TMEM132D: variants seen among roughly 807,000 people sequenced by gnomAD.
TMEM132D encodes the protein transmembrane protein 132D, also known as mature OL transmembrane protein.
TMEM132D carries 21 observed loss-of-function variants against 62.3 expected under a neutral mutation model. The ratio of observed to expected loss-of-function variants is 0.34; its 90% CI spans 0.24 to 0.49. TMEM132D has a LOEUF of 0.49. TMEM132D is among the 20% of genes least tolerant of loss of function. TMEM132D has a pLI of 0.99. For synonymous variants in TMEM132D, 621 were observed against 575.6 expected, an observed-to-expected ratio of 1.08 and a Z score of -1.13; for missense variants, 1,346 against 1,402.8, an observed-to-expected ratio of 0.96 and a Z score of 0.65.
chr12:129,779,647 CA>C lies in TMEM132D; in HGVS notation c.80-78950del, dbSNP rs1381279941. The stretch of plus-strand genomic sequence containing the variant: ...TTTTGTTTCTTGAAAGGAAGAAGAG[CA>C]GGTATTGGAAGAGACCATCAGAAGG... On this transcript the variant is annotated intron_variant, in intron 1 of 8. Coordinates refer to ENST00000422113, the MANE Select transcript of TMEM132D (RefSeq NM_133448.3). This position sits in a 1 kb window ranked among gnomAD's most constrained non-coding sequence, Gnocchi z 4.1. Among the ~76,000 whole-genome samples the C allele has an allele frequency of 2.0e-5, 3 of 152,042 alleles. No homozygotes were observed. Among genetic ancestry groups the C allele is most frequent in the Admixed American group, 6.6e-5 (1 of 15,264 alleles).
At chr12:129,276,246 T>C (rs1294315905) in intron 4 of TMEM132D, among the ~76,000 whole-genome samples, 2 of 152,314 alleles carry the variant, frequency 1.3e-5, no homozygotes, top group Admixed American at 1.3e-4. Flanking sequence ...TTCGTATTAT[T>C]ACCCAAAGAT....
chr12:129,157,342 G>A (rs1235305574), intron 5 of TMEM132D, among the ~76,000 whole-genome samples: 1 of 152,216 alleles, frequency 6.6e-6, no homozygotes, highest in Non-Finnish European at 1.5e-5. Flanking sequence ...AACTCTGGGG[G>A]ACACATTCAA....
intron 4 of TMEM132D, among the ~76,000 whole-genome samples, chr12:129,327,974 C>A (rs1222341086): frequency 6.6e-6 from 1 of 152,204 alleles, no homozygotes; most frequent in South Asian, 2.1e-4. Flanking sequence ...TCTCCAGTTG[C>A]ACTGGACCTT....
intron 2 of TMEM132D, among the ~76,000 whole-genome samples, chr12:129,653,405 A>C (rs1879983891): frequency 6.6e-6 from 1 of 152,238 alleles, no homozygotes; most frequent in African/African-American, 2.4e-5. Flanking sequence ...ATATCAGGAA[A>C]GATATTTCTC....
intron 1 of TMEM132D, among the ~76,000 whole-genome samples, chr12:129,892,910 T>C (rs1428474684): frequency 1.3e-5 from 2 of 152,134 alleles, no homozygotes; most frequent in Non-Finnish European, 2.9e-5. Flanking sequence ...AGAGTCTCAC[T>C]CTGTCATCCA....
intron 3 of TMEM132D, among the ~76,000 whole-genome samples, chr12:129,418,668 G>A (rs961311561): frequency 1.3e-5 from 2 of 152,068 alleles, no homozygotes; most frequent in Admixed American, 6.6e-5. Flanking sequence ...CATGGCACAT[G>A]TATACCTATG....
At chr12:129,127,633 G>T (rs749615239) in intron 5 of TMEM132D, among the ~76,000 whole-genome samples, 1 of 152,146 alleles carries the variant, frequency 6.6e-6, no homozygotes, top group Non-Finnish European at 1.5e-5. Context: ...TTTTTGGACA[G>T]GTTGAATGGA....
chr12:129,444,337 G>A (rs2135722874), intron 3 of TMEM132D, among the ~76,000 whole-genome samples: 1 of 152,196 alleles, frequency 6.6e-6, no homozygotes, highest in South Asian at 2.1e-4. Flanking sequence ...TACGGAATGG[G>A]GGAAAATTTT....
intron 5 of TMEM132D, among the ~76,000 whole-genome samples, chr12:129,127,446 A>G (rs970944810): frequency 6.6e-6 from 1 of 152,160 alleles, no homozygotes; most frequent in Non-Finnish European, 1.5e-5. Flanking sequence ...CGCTTCCGGC[A>G]GGTCCAGAAG....
intron 4 of TMEM132D, among the ~76,000 whole-genome samples, chr12:129,320,476 C>T (rs1177298583): frequency 6.6e-6 from 1 of 152,178 alleles, no homozygotes; most frequent in Non-Finnish European, 1.5e-5. Context: ...AAAAACTATA[C>T]TTTCCAGTTG....
chr12:129,505,445 A>G (rs543797018), intron 3 of TMEM132D, among the ~76,000 whole-genome samples: 25 of 152,126 alleles, frequency 1.6e-4, no homozygotes, highest in Admixed American at 2.6e-4. Flanking sequence ...GGGTTTCGCC[A>G]TGTTAGCCAG....
At chr12:129,766,393 T>C in intron 1 of TMEM132D, among the ~76,000 whole-genome samples, 1 of 152,210 alleles carries the variant, frequency 6.6e-6, no homozygotes, top group East Asian at 1.9e-4. Context: ...AAAATACACA[T>C]ACCATAACAT....
At chr12:129,887,776 A>G (rs887015357) in intron 1 of TMEM132D, among the ~76,000 whole-genome samples, 2 of 152,214 alleles carry the variant, frequency 1.3e-5, no homozygotes, top group Non-Finnish European at 2.9e-5. Context: ...TAATATCAGC[A>G]TATCTAGGAA....
At chr12:129,757,374 G>T (rs1471068306) in intron 1 of TMEM132D, among the ~76,000 whole-genome samples, 1 of 151,986 alleles carries the variant, frequency 6.6e-6, no homozygotes, top group Admixed American at 6.6e-5. Flanking sequence ...TTGCTTAAAG[G>T]TTGCCAATTT....
chr12:129,553,872 A>G (rs1876974041), intron 2 of TMEM132D, among the ~76,000 whole-genome samples: 1 of 152,304 alleles, frequency 6.6e-6, no homozygotes, highest in Non-Finnish European at 1.5e-5. Context: ...AAGTTAACGC[A>G]AGTGGACTCC....
At chr12:129,301,703 A>G (rs1881719012) in intron 4 of TMEM132D, among the ~76,000 whole-genome samples, 1 of 152,164 alleles carries the variant, frequency 6.6e-6, no homozygotes, top group South Asian at 2.1e-4. Context: ...TTTATGCATT[A>G]TTTAATTAAA....
chr12:129,451,946 C>T (rs1271710011), intron 3 of TMEM132D, among the ~76,000 whole-genome samples: 1 of 152,164 alleles, frequency 6.6e-6, no homozygotes, highest in Non-Finnish European at 1.5e-5. Context: ...GGATGAAGGG[C>T]AGAAAAGATG....
At chr12:129,899,255 G>A (rs532510110) in intron 1 of TMEM132D, among the ~76,000 whole-genome samples, 3 of 124,664 alleles carry the variant, frequency 2.4e-5, no homozygotes, top group South Asian at 4.6e-4. Flanking sequence ...ATGGATGCAC[G>A]GATGGATGGA....
chr12:129,418,599 T>C lies in TMEM132D; in HGVS notation c.1116-80782A>G, dbSNP rs1433542065. Among the ~76,000 whole-genome samples the C allele has an allele frequency of 7.2e-5, 11 of 152,106 alleles. No individual in the cohort carries two copies. In the South Asian group the frequency reaches 1.9e-3, roughly 26 times the overall value. On this transcript the variant is annotated intron_variant, in intron 3 of 8. Transcript: ENST00000422113. ...AGGGGAGGGAGAGCATTAGGAGAAATACCTAATGCATGTGGGGCTTAAAAC... is the reference window on the plus strand; with the variant it reads ...AGGGGAGGGAGAGCATTAGGAGAAACACCTAATGCATGTGGGGCTTAAAAC...
Sources: allele counts gnomAD v4.1 joint callset (sites outside exome capture counted in the v4.1 genomes callset), GRCh38; gene constraint gnomAD v4.1.1; non-coding constraint Gnocchi (gnomAD v3.1); transcripts MANE v1.5; gene names NCBI Gene and HGNC (gene_info 2026-07-23, HGNC 2026-07-21).